Variants in PRKCA observed in about 807,000 individuals in gnomAD.
The protein encoded by PRKCA is protein kinase C alpha.
In PRKCA, 27 loss-of-function variants were observed where a neutral mutation model predicts 87.0. The ratio of observed to expected loss-of-function variants is 0.31; its 90% CI spans 0.23 to 0.43. The LOEUF (loss-of-function observed/expected upper bound fraction) is 0.43, where lower values mean the gene tolerates loss of function less well. Among genes scored for constraint, PRKCA ranks in the 20% least tolerant of loss-of-function variants. The pLI is 1.00. For synonymous variants in PRKCA, 329 were observed against 311.1 expected (o/e 1.06, Z -0.61); for missense variants, 518 against 852.3 (o/e 0.61, Z 4.88).
intron 2 of PRKCA, among the ~76,000 whole-genome samples, chr17:66,400,188 G>A (rs2143682483): frequency 6.6e-6 from 1 of 152,302 alleles, no homozygotes; most frequent in South Asian, 2.1e-4. Flanking sequence ...GTCTAGCTCT[G>A]TCGCCCAGGC....
chr17:66,388,188 C>A lies in PRKCA; in HGVS notation c.205+82061C>A, dbSNP rs138373154. On this transcript the variant is annotated intron_variant, in intron 2 of 16. Transcript: ENST00000413366. Reference sequence around the variant, plus strand: ...AACAAGGATATGTGGGTGGGAGGGGCAGGGATGACATCTTTAGCTTTCTGT... The same window carrying A: ...AACAAGGATATGTGGGTGGGAGGGGAAGGGATGACATCTTTAGCTTTCTGT... Among the ~76,000 whole-genome samples, 1,139 of 151,626 alleles carry A rather than the reference C, an allele frequency of 7.5e-3. 22 individuals carry two copies. Among genetic ancestry groups the A allele is most frequent in the Non-Finnish European group, 0.013 (899 of 67,900 alleles).
intron 2 of PRKCA, among the ~76,000 whole-genome samples, chr17:66,352,200 A>G (rs903501981): frequency 6.6e-6 from 1 of 152,178 alleles, no homozygotes; most frequent in Non-Finnish European, 1.5e-5. Flanking sequence ...GAAATAGTCT[A>G]GTAGGGCTAC....
At chr17:66,562,585 G>GTTTTTTT (rs10523714) in intron 3 of PRKCA, among the ~76,000 whole-genome samples, 2 of 149,058 alleles carry the variant, frequency 1.3e-5, no homozygotes, top group African/African-American at 4.9e-5. Flanking sequence ...GCTAAGTTTT[G>GTTTTTTT]TTTTTTTTTG....
intron 3 of PRKCA, among the ~76,000 whole-genome samples, chr17:66,503,514 C>T (rs749663288): frequency 4.6e-5 from 7 of 152,202 alleles, no homozygotes; most frequent in African/African-American, 1.4e-4. Flanking sequence ...TAAAACTGAT[C>T]TATTTGAAGA....
intron 3 of PRKCA, among the ~76,000 whole-genome samples, chr17:66,502,992 A>G (rs1297836339): frequency 6.6e-6 from 1 of 152,208 alleles, no homozygotes; most frequent in African/African-American, 2.4e-5. Context: ...AGTTGTAAGA[A>G]GAGAAGCTGT....
chr17:66,382,822 G>C lies in PRKCA; in HGVS notation c.205+76695G>C, dbSNP rs552705485. ...GGTTAGGGATGCTGCTCAACATCCT[G>C]TATGTACTGGACAGACACCCCCCCA... On this transcript the variant is annotated intron_variant, in intron 2 of 16. Coordinates refer to ENST00000413366, the MANE Select transcript of PRKCA (RefSeq NM_002737.3). 7.9e-5 allele frequency among the ~76,000 whole-genome samples: 12 copies of C among 152,136 alleles called. No homozygotes were observed. In the South Asian group the frequency reaches 2.3e-3, roughly 29 times the overall value.
chr17:66,430,268 G>A (rs1264202122), intron 2 of PRKCA, among the ~76,000 whole-genome samples: 3 of 151,934 alleles, frequency 2.0e-5, no homozygotes, highest in Non-Finnish European at 4.4e-5. Context: ...GGGCAACACC[G>A]AATACAGGGG....
intron 5 of PRKCA, among the ~76,000 whole-genome samples, chr17:66,672,048 T>A (rs936823574): frequency 6.6e-6 from 1 of 152,148 alleles, no homozygotes; most frequent in African/African-American, 2.4e-5. Context: ...ACAAAATAAT[T>A]AAAACTTAGG....
intron 2 of PRKCA, among the ~76,000 whole-genome samples, chr17:66,439,594 C>A (rs923341176): frequency 2.0e-5 from 3 of 152,206 alleles, no homozygotes; most frequent in Non-Finnish European, 4.4e-5. Context: ...AATAGCTCTG[C>A]AGCTCTTACA....
intron 13 of PRKCA, among the ~76,000 whole-genome samples, chr17:66,761,203 C>G (rs771338409): frequency 5.9e-5 from 9 of 151,796 alleles, no homozygotes; most frequent in South Asian, 2.1e-4. Flanking sequence ...AACTCAGTCT[C>G]TACTAAAAAT....
At chr17:66,734,198 G>T (rs1328944302) in intron 9 of PRKCA, among the ~76,000 whole-genome samples, 2 of 152,196 alleles carry the variant, frequency 1.3e-5, no homozygotes, top group East Asian at 3.9e-4. Flanking sequence ...AAGCAAGAAA[G>T]AATTCAGAGC....
chr17:66,488,762 G>C (rs901301997), intron 2 of PRKCA, among the ~76,000 whole-genome samples: 1 of 152,176 alleles, frequency 6.6e-6, no homozygotes, highest in Non-Finnish European at 1.5e-5. Flanking sequence ...ATGCTGAAAG[G>C]AAGAATCAAG....
chr17:66,749,007 C>T (rs573717869), intron 13 of PRKCA, among the ~76,000 whole-genome samples: 66 of 151,466 alleles, frequency 4.4e-4, no homozygotes, highest in African/African-American at 1.2e-3. Context: ...CCAGGACGGG[C>T]GGGTATTAGG....
At chr17:66,697,506 C>T (rs984884666) in intron 8 of PRKCA, among the ~76,000 whole-genome samples, 1 of 152,194 alleles carries the variant, frequency 6.6e-6, no homozygotes, top group Non-Finnish European at 1.5e-5. Flanking sequence ...CAGCACTGCT[C>T]AGAGCCAAGA....
chr17:66,556,477 A>C (rs1968498507), intron 3 of PRKCA, among the ~76,000 whole-genome samples: 1 of 152,134 alleles, frequency 6.6e-6, no homozygotes, highest in African/African-American at 2.4e-5. Context: ...TTTAACCAAA[A>C]GAAGAGAACA....
At chr17:66,742,852 A>G in intron 13 of PRKCA, 92 bp downstream of exon 13, 1 of 1,418,460 alleles carries the variant, frequency 7.0e-7, no homozygotes, top group Admixed American at 2.1e-5. Context: ...CGAATCATGA[A>G]GTCAGTGCAT....
chr17:66,774,165 C>T (rs1171357093), intron 14 of PRKCA, 98 bp downstream of exon 14: 7 of 1,596,258 alleles, frequency 4.4e-6, no homozygotes, highest in Non-Finnish European at 5.1e-6. Flanking sequence ...CGTTTTAGTG[C>T]AGCTGGTGTT....
chr17:66,371,114 G>GT (rs1453546187), intron 2 of PRKCA, among the ~76,000 whole-genome samples: 1 of 152,194 alleles, frequency 6.6e-6, no homozygotes, highest in African/African-American at 2.4e-5. Context: ...TATTTTTGCA[G>GT]TTTTTTCTTT....
chr17:66,756,822 C>G (rs1038609693), intron 13 of PRKCA, among the ~76,000 whole-genome samples: 2 of 151,998 alleles, frequency 1.3e-5, no homozygotes, highest in Admixed American at 6.6e-5. Flanking sequence ...CCACCATGCC[C>G]AGCTAATTTT....
Sources: gnomAD v4.1 joint callset for allele counts (sites outside exome capture counted in the v4.1 genomes callset) on GRCh38, gnomAD v4.1.1 for gene constraint, MANE v1.5 for transcripts, NCBI Gene and HGNC (gene_info 2026-07-23, HGNC 2026-07-21) for gene names.